NR3C1: variants seen among roughly 807,000 people sequenced by gnomAD.
NR3C1 encodes the protein nuclear receptor subfamily 3 group C member 1.
A neutral mutation model predicts 74.0 loss-of-function variants in NR3C1; 14 were observed. The ratio of observed to expected loss-of-function variants is 0.19; its 90% confidence interval spans 0.12 to 0.30. The LOEUF is 0.30. Among genes scored for constraint, NR3C1 ranks in the 10% least tolerant of loss-of-function variants. The probability of loss-of-function intolerance (pLI) is 1.00; values close to 1 mark genes in which losing one functional copy is unlikely to be tolerated. For synonymous variants in NR3C1, 308 were observed against 332.5 expected (o/e 0.93, Z 0.80); for missense variants, 695 against 909.8 (o/e 0.76, Z 3.04).
At chr5:143,350,120 C>A (rs950210387) in intron 2 of NR3C1, among the ~76,000 whole-genome samples, 1 of 152,068 alleles carries the variant, frequency 6.6e-6, no homozygotes, top group Admixed American at 6.6e-5. Context: ...ACCCTGTAAG[C>A]CATGGTAAAC....
At chr5:143,299,205 G>C (rs1006083757) in intron 5 of NR3C1, among the ~76,000 whole-genome samples, 1 of 151,586 alleles carries the variant, frequency 6.6e-6, no homozygotes, top group Non-Finnish European at 1.5e-5. Context: ...GTAGAGATGG[G>C]GTTTTGCTAT....
chr5:143,284,556 T>C (rs957526018), intron 7 of NR3C1, among the ~76,000 whole-genome samples: 4 of 152,326 alleles, frequency 2.6e-5, no homozygotes, highest in Admixed American at 6.5e-5. Context: ...ATAGTTTTTT[T>C]CCCTGCCGGT....
intron 2 of NR3C1, among the ~76,000 whole-genome samples, chr5:143,355,649 G>T (rs1831006285): frequency 6.6e-6 from 1 of 152,044 alleles, no homozygotes; most frequent in Non-Finnish European, 1.5e-5. Flanking sequence ...ATCAACATAA[G>T]GAGCAAGCCA....
At chr5:143,354,962 C>T (rs2151798536) in intron 2 of NR3C1, among the ~76,000 whole-genome samples, 1 of 149,068 alleles carries the variant, frequency 6.7e-6, no homozygotes, top group South Asian at 2.1e-4. Flanking sequence ...GATCACTGAT[C>T]ACTGGTCGTA....
chr5:143,415,340 C>T (rs1301408354), intron 1 of NR3C1, among the ~76,000 whole-genome samples: 1 of 151,608 alleles, frequency 6.6e-6, no homozygotes, highest in Non-Finnish European at 1.5e-5. Context: ...CTATCAGAGG[C>T]TGGGAAGGGC....
intron 1 of NR3C1, chr5:143,402,922 G>A: frequency 1.2e-6 from 1 of 861,710 alleles, no homozygotes; most frequent in Non-Finnish European, 1.4e-6. Context: ...AGGAATGAGA[G>A]GCTCGAAGCC....
chr5:143,312,472 TA>T (rs1161679975), intron 3 of NR3C1, among the ~76,000 whole-genome samples: 1 of 152,012 alleles, frequency 6.6e-6, no homozygotes, highest in East Asian at 1.9e-4. Context: ...ACCTATTGAT[TA>T]GAGTCAAAAG....
At chr5:143,327,132 AC>A (rs1561575200) in intron 2 of NR3C1, among the ~76,000 whole-genome samples, 1 of 152,134 alleles carries the variant, frequency 6.6e-6, no homozygotes, top group Admixed American at 6.5e-5. Flanking sequence ...GGTTTAATTG[AC>A]TCACAGTTCT....
intron 2 of NR3C1, among the ~76,000 whole-genome samples, chr5:143,326,263 T>A (rs974946191): frequency 6.6e-6 from 1 of 152,234 alleles, no homozygotes; most frequent in African/African-American, 2.4e-5. Flanking sequence ...CAGAGTTTTT[T>A]AAGATTATGT....
At chr5:143,358,893 T>G (rs1220662814) in intron 2 of NR3C1, among the ~76,000 whole-genome samples, 1 of 145,864 alleles carries the variant, frequency 6.9e-6, no homozygotes, top group Non-Finnish European at 1.5e-5. Context: ...AGAGCAAAAC[T>G]CCATTTCAAA....
intron 2 of NR3C1, among the ~76,000 whole-genome samples, chr5:143,325,148 T>C (rs1404303659): frequency 6.6e-6 from 1 of 152,174 alleles, no homozygotes; most frequent in Non-Finnish European, 1.5e-5. Context: ...TATTAGTCCA[T>C]TTTCATGCTT....
chr5:143,435,219 A>G, exon 1 of NR3C1: 1 of 985,328 alleles, frequency 1.0e-6, no homozygotes, highest in Non-Finnish European at 1.2e-6. Context: ...TTCTGTTTCT[A>G]TTCCTTCCCC....
intron 1 of NR3C1, chr5:143,401,129 G>GA: frequency 2.1e-6 from 1 of 472,610 alleles, no homozygotes; most frequent in Admixed American, 3.3e-5. Flanking sequence ...TCATCCTGCC[G>GA]CTCACTGAAC....
At chr5:143,377,447 G>A (rs1031270976) in intron 2 of NR3C1, among the ~76,000 whole-genome samples, 4 of 152,168 alleles carry the variant, frequency 2.6e-5, no homozygotes, top group African/African-American at 7.2e-5. Context: ...CTATACCTTC[G>A]CCCACACTAG....
intron 7 of NR3C1, among the ~76,000 whole-genome samples, chr5:143,294,656 A>C (rs1196170749): frequency 6.6e-6 from 1 of 152,142 alleles, no homozygotes; most frequent in Non-Finnish European, 1.5e-5. Context: ...CCTTCCTTCT[A>C]AACCCTGGCA....
chr5:143,387,946 T>C (rs973815715), intron 2 of NR3C1, among the ~76,000 whole-genome samples: 1 of 152,188 alleles, frequency 6.6e-6, no homozygotes, highest in African/African-American at 2.4e-5. Flanking sequence ...AGTACAAACA[T>C]ATACATTAGA....
Position 143,290,025 on chromosome 5 carries a change from G to C in NR3C1, c.2023+5435C>G, listed in dbSNP as rs572857976. Among the ~76,000 whole-genome samples, 22 of 152,126 alleles carry C rather than the reference G, an allele frequency of 1.4e-4. No individual in the cohort carries two copies. The East Asian group carries it at 4.1e-3, about 28-fold the overall frequency. On this transcript the variant is annotated intron_variant, in intron 7 of 8. Transcript: ENST00000394464. Reference sequence around the variant, plus strand: ...TTTTGTCTGCTTAATTTGTAAGAAAGGTATAGTAAAATCTCATTATTTTTA... The same window carrying C: ...TTTTGTCTGCTTAATTTGTAAGAAACGTATAGTAAAATCTCATTATTTTTA...
intron 2 of NR3C1, among the ~76,000 whole-genome samples, chr5:143,397,626 C>T (rs936866249): frequency 2.0e-5 from 3 of 151,800 alleles, no homozygotes; most frequent in Non-Finnish European, 4.4e-5. Flanking sequence ...CTTGTTAGGA[C>T]ACAGACTACT....
chr5:143,432,912 C>G (rs771760468), intron 1 of NR3C1, among the ~76,000 whole-genome samples: 1 of 152,166 alleles, frequency 6.6e-6, no homozygotes, highest in Non-Finnish European at 1.5e-5. Flanking sequence ...CACGTTCATT[C>G]GTTCCTTTTC....
Sources: allele counts gnomAD v4.1 joint callset (sites outside exome capture counted in the v4.1 genomes callset), GRCh38; gene constraint gnomAD v4.1.1; transcripts MANE v1.5; gene names NCBI Gene and HGNC (gene_info 2026-07-23, HGNC 2026-07-21).